ZMYND8: variants seen among roughly 807,000 people sequenced by gnomAD.
The protein encoded by ZMYND8 is MYND-type zinc finger-containing chromatin reader ZMYND8.
Under a neutral mutation model 140.8 loss-of-function variants are expected in ZMYND8, and 37 were observed. The ratio of observed to expected loss-of-function variants is 0.26; its 90% CI spans 0.20 to 0.35. ZMYND8 has a LOEUF of 0.35. ZMYND8 is among the 10% of genes least tolerant of loss of function. The pLI is 1.00. For synonymous variants in ZMYND8, 592 were observed against 597.1 expected (o/e 0.99, Z 0.12); for missense variants, 1,068 against 1,570.0 (o/e 0.68, Z 5.40).
Position 47,246,456 on chromosome 20 carries a change from A to T in ZMYND8, c.1836T>A (p.Ser612=), listed in dbSNP as rs531656909. 32 of 1,613,836 alleles carry T rather than the reference A, an allele frequency of 2.0e-5. No individual in the cohort carries two copies. In the South Asian group the frequency reaches 3.5e-4, roughly 18 times the overall value. The part of the protein sequence containing the change: ...TAVEHSDSED[S]EKSDSSDSEY... ...CACTATCGCTACTATCTGACTTCTCAGAATCCTCCGAATCGCTGTGCTCTA... is the reference window on the plus strand; with the variant it reads ...CACTATCGCTACTATCTGACTTCTCTGAATCCTCCGAATCGCTGTGCTCTA... The change falls in exon 14 of 23, where the codon TCT becomes TCA. Residue 612 remains serine (S), a synonymous_variant. Transcript: ENST00000471951.
chr20:47,288,739 C>T (rs1271860377), intron 7 of ZMYND8, among the ~76,000 whole-genome samples: 1 of 152,216 alleles, frequency 6.6e-6, no homozygotes, highest in East Asian at 1.9e-4. Context: ...CCTCCTTGCA[C>T]TCTCAGCCCT....
intron 2 of ZMYND8, among the ~76,000 whole-genome samples, chr20:47,346,873 G>GGGA (rs1227994239): frequency 6.6e-6 from 1 of 152,232 alleles, no homozygotes; most frequent in Non-Finnish European, 1.5e-5. Flanking sequence ...CCAAAGTGCT[G>GGGA]GGATTACAGG....
At chr20:47,264,907 C>T (rs1489648318) in intron 11 of ZMYND8, among the ~76,000 whole-genome samples, 1 of 151,918 alleles carries the variant, frequency 6.6e-6, no homozygotes, top group Non-Finnish European at 1.5e-5. Context: ...CATGGTGGCA[C>T]ACGCCTGTAG....
At chr20:47,308,361 G>A (rs1160715470) in intron 3 of ZMYND8, among the ~76,000 whole-genome samples, 2 of 151,842 alleles carry the variant, frequency 1.3e-5, no homozygotes, top group South Asian at 2.1e-4. Context: ...TGGGATTACA[G>A]GCATGTGCCA....
chr20:47,330,987 G>A (rs2080890069), intron 2 of ZMYND8, among the ~76,000 whole-genome samples: 1 of 152,214 alleles, frequency 6.6e-6, no homozygotes, highest in African/African-American at 2.4e-5. Context: ...GGACCTTCAA[G>A]GTATGGGCAA....
chr20:47,311,390 C>T (rs1381906569), intron 2 of ZMYND8, among the ~76,000 whole-genome samples: 1 of 152,192 alleles, frequency 6.6e-6, no homozygotes, highest in Non-Finnish European at 1.5e-5. Context: ...GCAGGCGGAT[C>T]ACCTGAGGTC....
At chr20:47,318,250 C>A (rs2079574481) in intron 2 of ZMYND8, among the ~76,000 whole-genome samples, 1 of 152,204 alleles carries the variant, frequency 6.6e-6, no homozygotes, top group Non-Finnish European at 1.5e-5. Context: ...AAGGCAGGGT[C>A]AGAAGCAGAG....
intron 3 of ZMYND8, among the ~76,000 whole-genome samples, chr20:47,303,256 C>T (rs1018667436): frequency 1.3e-5 from 2 of 152,102 alleles, no homozygotes; most frequent in African/African-American, 2.4e-5. Context: ...ACATACCAAG[C>T]AAGCAGAACT....
At position 47,242,466 on chromosome 20, in the gene ZMYND8, C is replaced by CT. The variant is rs1332285756; in HGVS notation, c.2285-3329dup. Among the ~76,000 whole-genome samples, 4 of 152,330 alleles carry CT rather than the reference C, an allele frequency of 2.6e-5. No homozygotes were observed. In the East Asian group the frequency reaches 7.7e-4, roughly 29 times the overall value. On this transcript the variant is annotated intron_variant, in intron 14 of 22. Transcript: ENST00000471951. ...AGATGAGGTGTTGAACTGGGCCCTT[C>CT]TAAGAGGAGGGCAGGGGGCAGTGCC...
chr20:47,257,811 G>A (rs979321466), intron 12 of ZMYND8, among the ~76,000 whole-genome samples: 3 of 152,194 alleles, frequency 2.0e-5, no homozygotes, highest in African/African-American at 7.2e-5. Flanking sequence ...GACTATTTTT[G>A]TATTGTTGGT....
chr20:47,331,151 G>A (rs893132397), intron 2 of ZMYND8, among the ~76,000 whole-genome samples: 7 of 152,184 alleles, frequency 4.6e-5, no homozygotes, highest in African/African-American at 1.4e-4. Flanking sequence ...GGCCAGCACA[G>A]GAGGGTTTTG....
At chr20:47,314,866 C>T (rs1468623583) in intron 2 of ZMYND8, among the ~76,000 whole-genome samples, 1 of 152,182 alleles carries the variant, frequency 6.6e-6, no homozygotes, top group Admixed American at 6.5e-5. Context: ...CAGGGCCTCA[C>T]CTGCAAAATG....
chr20:47,254,415 T>C (rs1339423785), intron 12 of ZMYND8, among the ~76,000 whole-genome samples: 1 of 152,230 alleles, frequency 6.6e-6, no homozygotes, highest in African/African-American at 2.4e-5. Context: ...GGGTTCTTCA[T>C]TGCAGTTGTC....
At chr20:47,338,117 T>C (rs2081531599) in intron 2 of ZMYND8, among the ~76,000 whole-genome samples, 2 of 152,056 alleles carry the variant, frequency 1.3e-5, no homozygotes, top group South Asian at 4.2e-4. Flanking sequence ...TCACCTTATC[T>C]CCTTTTGAGG....
chr20:47,270,436 G>C (rs1263374670), intron 11 of ZMYND8, among the ~76,000 whole-genome samples: 1 of 146,732 alleles, frequency 6.8e-6, no homozygotes, highest in Non-Finnish European at 1.5e-5. Context: ...AAGAATACAA[G>C]GTTAAGCTTT....
At chr20:47,339,312 C>T (rs1040231656) in intron 2 of ZMYND8, among the ~76,000 whole-genome samples, 2 of 152,076 alleles carry the variant, frequency 1.3e-5, no homozygotes, top group African/African-American at 4.8e-5. Context: ...GGGGGTCTTC[C>T]GGGCATGGTT....
chr20:47,298,731 C>T lies in ZMYND8; in HGVS notation c.451G>A (p.Glu151Lys). 1 of 1,612,416 alleles carries T rather than the reference C, an allele frequency of 6.2e-7. No homozygotes were observed. Among genetic ancestry groups the T allele is most frequent in the Non-Finnish European group, 8.5e-7 (1 of 1,179,200 alleles). Residue 151 changes from glutamate to lysine, a missense_variant and splice_region_variant, in exon 4 of 23, where the codon GAG (glutamate) becomes AAG (lysine). Glu to Lys is a moderately conservative substitution (Grantham distance 56). This residue lies in a region of ZMYND8 where 109 missense variants were observed against 314.9 expected (regional missense o/e 0.35). Coordinates refer to ENST00000471951, the MANE Select transcript of ZMYND8 (RefSeq NM_001281775.3). The surrounding 1 kb of genome is among the most constrained non-coding windows in gnomAD (Gnocchi z 5.0). ...PEGDWFCPEC[E>K]KITVAECIET... ...GCATTCATTCATCAGGAACTAACCTCACATTCAGGACAAAACCAGTCCCCC... is the reference window on the plus strand; with the variant it reads ...GCATTCATTCATCAGGAACTAACCTTACATTCAGGACAAAACCAGTCCCCC...
intron 19 of ZMYND8, among the ~76,000 whole-genome samples, chr20:47,221,774 C>T (rs1239241406): frequency 6.6e-6 from 1 of 152,234 alleles, no homozygotes; most frequent in Non-Finnish European, 1.5e-5. Flanking sequence ...TCAAGTGATT[C>T]TCTTGTCTCA....
intron 2 of ZMYND8, among the ~76,000 whole-genome samples, chr20:47,322,915 C>A (rs1046562887): frequency 1.3e-5 from 2 of 152,156 alleles, no homozygotes; most frequent in South Asian, 4.1e-4. Flanking sequence ...GCATGCTTGG[C>A]ATTGGCCAAC....
Sources: allele counts gnomAD v4.1 joint callset (sites outside exome capture counted in the v4.1 genomes callset), GRCh38; gene constraint gnomAD v4.1.1; regional missense constraint gnomAD v4.1.1; non-coding constraint Gnocchi (gnomAD v3.1); transcripts MANE v1.5; gene names NCBI Gene and HGNC (gene_info 2026-07-23, HGNC 2026-07-21).